The following TTC21A variants were observed in gnomAD, a reference collection of about 807,000 sequenced individuals.
The protein encoded by TTC21A is tetratricopeptide repeat domain 21A, also known as tetratricopeptide repeat protein 21A.
A neutral mutation model predicts 156.4 loss-of-function variants in TTC21A; 128 were observed. That is an observed-to-expected ratio of 0.82 (90% CI 0.71 to 0.95). The LOEUF is 0.95. TTC21A is among the 40% of genes least tolerant of loss of function. The probability of loss-of-function intolerance (pLI) is 0.00; values close to 1 mark genes in which losing one functional copy is unlikely to be tolerated. For missense variants in TTC21A, 1,435 were observed against 1,602.3 expected, an observed-to-expected ratio of 0.90 and a Z score of 1.78; for synonymous variants, 587 against 617.1, an observed-to-expected ratio of 0.95 and a Z score of 0.72.
intron 1 of TTC21A, 115 bp downstream of exon 1, chr3:39,107,979 G>T: frequency 1.5e-6 from 2 of 1,352,482 alleles, no homozygotes; most frequent in South Asian, 1.2e-5. Flanking sequence ...TATATCAGGC[G>T]GTCCTGCCTT....
intron 1 of TTC21A, 83 bp downstream of exon 1, chr3:39,107,947 G>C: frequency 6.5e-7 from 1 of 1,530,000 alleles, no homozygotes; most frequent in Non-Finnish European, 9.0e-7. Context: ...CTACTCTCCT[G>C]CCACCCTTCG....
At position 39,134,958 on chromosome 3, in the gene TTC21A, C is replaced by A; in HGVS notation, c.2863-135C>A. The A allele has an allele frequency of 2.6e-6, 2 of 761,082 alleles. No homozygotes were observed. The highest frequency in any genetic ancestry group is 4.6e-6 in the Non-Finnish European group (2 of 434,902). 47.1% of individuals were successfully genotyped at this position (761,082 alleles called of 1,614,324 possible). On this transcript the variant is annotated intron_variant, in intron 21 of 28. Coordinates refer to ENST00000683103, the MANE Select transcript of TTC21A (RefSeq NM_001366900.1). This position sits in a 1 kb window ranked among gnomAD's most constrained non-coding sequence, Gnocchi z 4.6. ...TCTCCTGTGGCAGCTTCTCACAAGG[C>A]CTAGGGAGGCTGCCTTGCAAGTCCT...
rs2039294217 is a variant in TTC21A at position 39,138,363 on chromosome 3, A to G, written c.3772A>G (p.Ser1258Gly). 6.2e-7 allele frequency: 1 copy of G among 1,613,994 alleles called. No homozygotes were observed. Among genetic ancestry groups the G allele is most frequent in the Non-Finnish European group, 8.5e-7 (1 of 1,179,988 alleles). ...CAACTACAAACTGGCCTGGAAGTAC[A>G]GTCATCACGCCAACCCTGCCATTGG... ...VTNYKLAWKY[S>G]HHANPAIGFK... Residue 1258 changes from serine to glycine, a missense_variant, in exon 27 of 29, where the codon AGT becomes GGT. Physicochemically the swap from Ser to Gly is moderately conservative, Grantham distance 56. Transcript: ENST00000683103.
At chr3:39,113,491 G>A (rs1243883884) in intron 5 of TTC21A, among the ~76,000 whole-genome samples, 1 of 152,184 alleles carries the variant, frequency 6.6e-6, no homozygotes, top group Non-Finnish European at 1.5e-5. Context: ...GCTGCCCCAG[G>A]GACAGGTGTG....
chr3:39,111,390 T>C (rs1316294541), intron 4 of TTC21A, among the ~76,000 whole-genome samples: 1 of 152,166 alleles, frequency 6.6e-6, no homozygotes, highest in East Asian at 1.9e-4. Flanking sequence ...TTTTTACATT[T>C]TTTGTAGAGA....
chr3:39,136,684 G>A, intron 23 of TTC21A, 177 bp downstream of exon 23: 2 of 998,682 alleles, frequency 2.0e-6, no homozygotes, highest in Non-Finnish European at 1.4e-6. Flanking sequence ...GGGAGAGCCT[G>A]CAGCCTCTGG....
Position 39,128,823 on chromosome 3 carries a change from C to T in TTC21A, c.1787C>T (p.Ala596Val). 1.2e-6 allele frequency: 2 copies of T among 1,614,198 alleles called. No individual in the cohort carries two copies. The highest frequency in any genetic ancestry group is 1.7e-6 in the Non-Finnish European group (2 of 1,180,048). ...CTGAAAATGGTCATCAAATTGCCAG[C>T]TCTGAAGAAGGAAGAAGGCAGAAAG... ...KTLKMVIKLPALKKEEGRKFL... is the reference protein window; with the variant it reads ...KTLKMVIKLPVLKKEEGRKFL... Residue 596 changes from alanine to valine, a missense_variant, in exon 14 of 29, where the codon GCT becomes GTT. Coordinates refer to ENST00000683103, the MANE Select transcript of TTC21A (RefSeq NM_001366900.1).
intron 15 of TTC21A, 139 bp from the exon 16 acceptor site, chr3:39,129,940 C>T: frequency 1.1e-6 from 1 of 929,980 alleles, no homozygotes; most frequent in Non-Finnish European, 1.7e-6. Flanking sequence ...GCCTCATTCA[C>T]AGTGGACTTT....
chr3:39,131,309 A>ATT (rs2038715190), intron 19 of TTC21A, among the ~76,000 whole-genome samples: 1 of 152,218 alleles, frequency 6.6e-6, no homozygotes, highest in Non-Finnish European at 1.5e-5. Context: ...TGGGCTGGGA[A>ATT]AGGCAGGAAG....
rs747828566 is a variant in TTC21A, at chr3:39,137,033, C to CT, written c.3234dup (p.Glu1079Ter). 1 of 1,613,938 alleles carries CT rather than the reference C, an allele frequency of 6.2e-7. No individual in the cohort carries two copies. The highest frequency in any genetic ancestry group is 8.5e-7 in the Non-Finnish European group (1 of 1,179,990). ...GACAACGAGGTTGTGGGCGGAGAGG[C>CT]TTTTGAGAACCAGGGAGCTGAGAGC... On this transcript the variant is annotated frameshift_variant, in exon 24 of 29. Coordinates refer to ENST00000683103, the MANE Select transcript of TTC21A (RefSeq NM_001366900.1). LOFTEE classifies it high-confidence loss of function.
Position 39,126,281 on chromosome 3 carries a change from C to T in TTC21A, c.1413C>T (p.Ile471=), listed in dbSNP as rs1436236250. ...CACAGCCCAGGTTACCAGGCCAGAT[C>T]GTGTCTCCACTTCTTAAACAAGTCG... ...CPKQPRLPGQ[I]VSPLLKQVAV... The change falls in exon 12 of 29, where the codon ATC becomes ATT. Residue 471 remains isoleucine, a synonymous_variant. Coordinates refer to ENST00000683103, the MANE Select transcript of TTC21A (RefSeq NM_001366900.1). 3 of 1,613,958 alleles carry T rather than the reference C, an allele frequency of 1.9e-6. No homozygotes were observed. Among genetic ancestry groups the T allele is most frequent in the Admixed American group, 1.7e-5 (1 of 59,994 alleles).
At chr3:39,114,813 G>A in intron 6 of TTC21A, 71 bp downstream of exon 6, 1 of 1,569,988 alleles carries the variant, frequency 6.4e-7, no homozygotes, top group Non-Finnish European at 8.7e-7. Flanking sequence ...TGGGGAGGCA[G>A]GAGAACAAGA....
At chr3:39,128,587 G>C in intron 13 of TTC21A, 99 bp downstream of exon 13, 1 of 1,577,228 alleles carries the variant, frequency 6.3e-7, no homozygotes, top group Middle Eastern at 2.1e-4. Flanking sequence ...GTGTCCCGTA[G>C]ATCTTTCTGC....
intron 1 of TTC21A, among the ~76,000 whole-genome samples, 158 bp from the exon 2 acceptor site, chr3:39,108,927 A>G (rs575758109): frequency 6.6e-6 from 1 of 152,352 alleles, no homozygotes; most frequent in East Asian, 1.9e-4. Context: ...CAGGGCTGTT[A>G]GAGGACAGGA....
chr3:39,130,533 C>T lies in TTC21A; in HGVS notation c.2320-168C>T, dbSNP rs1441425495. On this transcript the variant is annotated intron_variant, in intron 17 of 28. Coordinates refer to ENST00000683103, the MANE Select transcript of TTC21A (RefSeq NM_001366900.1). This position sits in a 1 kb window ranked among gnomAD's most constrained non-coding sequence, Gnocchi z 4.5. Reference sequence around the variant, plus strand: ...CAGCAACTCTCTGCTGCTGACCACACCTGCTTAAGCTGAGGGTTACACCCT... The same window carrying T: ...CAGCAACTCTCTGCTGCTGACCACATCTGCTTAAGCTGAGGGTTACACCCT... 8 of 1,005,514 alleles carry T rather than the reference C, an allele frequency of 8.0e-6. No homozygotes were observed. The highest frequency in any genetic ancestry group is 3.2e-5 in the African/African-American group (2 of 61,868). 62.3% of individuals were successfully genotyped at this position (1,005,514 alleles called of 1,614,324 possible).
At position 39,130,064 on chromosome 3, in the gene TTC21A, T is replaced by C; in HGVS notation, c.2136-15T>C. Reference sequence around the variant, plus strand: ...TGCGAACCTGGGATAAGCTTTTGGTTACTCTTGCTTGCAGTGAGCTCTGTG... The same window carrying C: ...TGCGAACCTGGGATAAGCTTTTGGTCACTCTTGCTTGCAGTGAGCTCTGTG... On this transcript the variant is annotated splice_polypyrimidine_tract_variant and intron_variant, in intron 15 of 28. Coordinates refer to ENST00000683103, the MANE Select transcript of TTC21A (RefSeq NM_001366900.1). The surrounding 1 kb of genome is among the most constrained non-coding windows in gnomAD (Gnocchi z 4.5). 6.2e-7 allele frequency: 1 copy of C among 1,613,928 alleles called. No homozygotes were observed. The highest frequency in any genetic ancestry group is 8.5e-7 in the Non-Finnish European group (1 of 1,179,934).
At chr3:39,117,469 A>G (rs1168834150) in intron 6 of TTC21A, among the ~76,000 whole-genome samples, 2 of 152,238 alleles carry the variant, frequency 1.3e-5, no homozygotes, top group African/African-American at 4.8e-5. Context: ...CAATAGTACA[A>G]AATTGAAACC....
intron 19 of TTC21A, among the ~76,000 whole-genome samples, chr3:39,132,126 T>C (rs899775092): frequency 2.0e-5 from 3 of 152,186 alleles, no homozygotes; most frequent in Non-Finnish European, 4.4e-5. Flanking sequence ...TACTGAATAC[T>C]GTAGACAGTT....
Position 39,126,142 on chromosome 3 carries a change from TAATA to T in TTC21A, c.1393-113_1393-110del, listed in dbSNP as rs1214030622. On this transcript the variant is annotated intron_variant, in intron 11 of 28. Coordinates refer to ENST00000683103, the MANE Select transcript of TTC21A (RefSeq NM_001366900.1). ...TCTAAGCACTAGGTGATACAGAGGATAATAAATAAGTGTGGAATGAAGCAAAATT... is the reference window on the plus strand; with the variant it reads ...TCTAAGCACTAGGTGATACAGAGGATAATAAGTGTGGAATGAAGCAAAATT... The T allele has an allele frequency of 6.3e-5, 80 of 1,270,234 alleles. No individual in the cohort carries two copies. In the East Asian group the frequency reaches 1.7e-3, roughly 27 times the overall value. 78.7% of individuals were successfully genotyped at this position (1,270,234 alleles called of 1,614,324 possible).
Sources: gnomAD v4.1 joint callset for allele counts (sites outside exome capture counted in the v4.1 genomes callset) on GRCh38, gnomAD v4.1.1 for gene constraint, Gnocchi (gnomAD v3.1) non-coding constraint, MANE v1.5 for transcripts, NCBI Gene and HGNC (gene_info 2026-07-23, HGNC 2026-07-21) for gene names.